ZNF704: variants seen among roughly 807,000 people sequenced by gnomAD.
ZNF704 encodes the protein zinc finger protein 704.
In ZNF704, 10 loss-of-function variants were observed where a neutral mutation model predicts 44.7. The ratio of observed to expected loss-of-function variants is 0.22; its 90% CI spans 0.14 to 0.38. ZNF704 has a LOEUF of 0.38. Among genes scored for constraint, ZNF704 ranks in the 10% least tolerant of loss-of-function variants. The pLI is 1.00. For synonymous variants in ZNF704, 211 were observed against 207.6 expected (o/e 1.02, Z -0.14); for missense variants, 390 against 545.5 (o/e 0.71, Z 2.84).
intron 7 of ZNF704, among the ~76,000 whole-genome samples, chr8:80,644,524 G>A (rs1759736117): frequency 6.6e-6 from 1 of 152,060 alleles, no homozygotes; most frequent in African/African-American, 2.4e-5. Flanking sequence ...TGAATAAAAT[G>A]GAAAGTTTCC....
intron 2 of ZNF704, among the ~76,000 whole-genome samples, chr8:80,725,451 C>T (rs117660527): frequency 3.9e-5 from 6 of 152,168 alleles, no homozygotes; most frequent in African/African-American, 7.2e-5. Flanking sequence ...CCCTACATCA[C>T]GTATATGGAA....
intron 1 of ZNF704, among the ~76,000 whole-genome samples, chr8:80,847,181 AATAAAATAAAAT>A (rs1808781332): frequency 6.6e-6 from 1 of 152,116 alleles, no homozygotes. Flanking sequence ...TTAAAAATAA[AATAAAATAAAAT>A]ATAAAATAAA....
chr8:80,669,794 C>A (rs1818251402), intron 5 of ZNF704, among the ~76,000 whole-genome samples: 2 of 152,174 alleles, frequency 1.3e-5, no homozygotes, highest in Admixed American at 1.3e-4. Context: ...AGACTCAGGG[C>A]AAAAAGCACA....
chr8:80,669,364 T>C (rs1160280009), intron 5 of ZNF704, among the ~76,000 whole-genome samples: 3 of 152,146 alleles, frequency 2.0e-5, no homozygotes, highest in African/African-American at 7.2e-5. Flanking sequence ...GGTATTTCAA[T>C]TGGTATTTCT....
intron 2 of ZNF704, among the ~76,000 whole-genome samples, chr8:80,728,890 G>C (rs940945028): frequency 4.6e-5 from 7 of 152,090 alleles, no homozygotes; most frequent in African/African-American, 1.2e-4. Flanking sequence ...AAGAAAATGA[G>C]AAAATATAAA....
intron 7 of ZNF704, 87 bp from the exon 8 acceptor site, chr8:80,643,216 T>C: frequency 1.1e-6 from 1 of 949,382 alleles, no homozygotes. Context: ...CACTGATCCT[T>C]GACCATTAGA....
At chr8:80,673,743 T>A (rs377526883) in intron 4 of ZNF704, among the ~76,000 whole-genome samples, 2 of 152,252 alleles carry the variant, frequency 1.3e-5, no homozygotes, top group African/African-American at 4.8e-5. Context: ...GCTTCCAGAA[T>A]TGAAGAGTGC....
intron 5 of ZNF704, among the ~76,000 whole-genome samples, chr8:80,668,184 C>T (rs921227784): frequency 6.6e-6 from 1 of 152,220 alleles, no homozygotes; most frequent in African/African-American, 2.4e-5. Flanking sequence ...CTTCTCTTCT[C>T]TAGAAACCTG....
intron 1 of ZNF704, among the ~76,000 whole-genome samples, chr8:80,848,416 C>T (rs1808802530): frequency 3.3e-5 from 5 of 152,162 alleles, no homozygotes; most frequent in Admixed American, 3.3e-4. Context: ...TGGGCTGTAT[C>T]AATGTCGATT....
intron 2 of ZNF704, among the ~76,000 whole-genome samples, chr8:80,736,622 T>TA (rs1014042233): frequency 6.6e-6 from 1 of 151,818 alleles, no homozygotes; most frequent in African/African-American, 2.4e-5. Context: ...GAAGGGAACT[T>TA]AAAAAAAATT....
rs1817556599 is a variant in ZNF704, at chr8:80,629,902, C to T, written c.*11464G>A. 1.3e-5 allele frequency: 2 copies of T among 152,196 alleles called. No individual in the cohort carries two copies. Among genetic ancestry groups the T allele is most frequent in the African/African-American group, 4.8e-5 (2 of 41,448 alleles). The allele number at this position is 152,196 out of a possible 1,614,324, so 9.4% of individuals were successfully genotyped here. A position where few individuals can be genotyped will look rare whatever the true frequency, so the allele number is the denominator to read the frequency against. ...ACATCCACCTTTAAAGAACTGGGCA[C>T]ATTTTCTAACAGCCAACATTTCCCA... is the stretch of plus-strand genomic sequence containing the variant. On this transcript the variant is annotated 3_prime_UTR_variant, in exon 9 of 9. Transcript: ENST00000327835.
intron 2 of ZNF704, among the ~76,000 whole-genome samples, chr8:80,753,008 T>A (rs1260491441): frequency 6.6e-6 from 1 of 152,202 alleles, no homozygotes; most frequent in African/African-American, 2.4e-5. Context: ...CAACTCCTCT[T>A]GTATTTCCAA....
intron 2 of ZNF704, among the ~76,000 whole-genome samples, chr8:80,765,400 T>A (rs78388701): frequency 1.3e-5 from 2 of 152,136 alleles, no homozygotes; most frequent in Non-Finnish European, 2.9e-5. Context: ...CAGGTTTCCA[T>A]GTATTCCTTA....
intron 2 of ZNF704, among the ~76,000 whole-genome samples, chr8:80,728,998 A>T (rs1305023202): frequency 1.3e-5 from 2 of 152,190 alleles, no homozygotes; most frequent in Non-Finnish European, 2.9e-5. Context: ...CCGTTATGAA[A>T]ATATTTAAGG....
At chr8:80,824,015 T>C (rs1263074694) in intron 1 of ZNF704, among the ~76,000 whole-genome samples, 5 of 152,152 alleles carry the variant, frequency 3.3e-5, no homozygotes, top group Non-Finnish European at 7.3e-5. Flanking sequence ...TCAGAGCACC[T>C]CTTCTCCTCC....
At chr8:80,808,393 C>T (rs1356659177) in intron 2 of ZNF704, among the ~76,000 whole-genome samples, 1 of 152,174 alleles carries the variant, frequency 6.6e-6, no homozygotes. Flanking sequence ...GGTGGTGAAT[C>T]ACAAAGTGCA....
intron 2 of ZNF704, among the ~76,000 whole-genome samples, chr8:80,801,747 A>G (rs2129795689): frequency 6.6e-6 from 1 of 151,512 alleles, no homozygotes; most frequent in East Asian, 1.9e-4. Flanking sequence ...AAAAGAACTA[A>G]GTCGCAACTA....
intron 2 of ZNF704, among the ~76,000 whole-genome samples, chr8:80,759,721 A>G (rs527533034): frequency 1.3e-5 from 2 of 152,158 alleles, no homozygotes; most frequent in East Asian, 3.9e-4. Context: ...ATCCCTCCCC[A>G]CTTGAGCTTC....
intron 4 of ZNF704, among the ~76,000 whole-genome samples, chr8:80,680,046 C>T (rs1393059329): frequency 6.6e-6 from 1 of 152,096 alleles, no homozygotes; most frequent in Admixed American, 6.5e-5. Flanking sequence ...CAATAGTAAG[C>T]CTCAATCCTG....
Sources: gnomAD v4.1 joint callset for allele counts (sites outside exome capture counted in the v4.1 genomes callset) on GRCh38, gnomAD v4.1.1 for gene constraint, MANE v1.5 for transcripts, NCBI Gene and HGNC (gene_info 2026-07-23, HGNC 2026-07-21) for gene names.